Variants in AXDND1 observed in about 807,000 individuals in gnomAD.
The protein encoded by AXDND1 is axonemal dynein light chain domain-containing protein 1.
Under a neutral mutation model 137.5 loss-of-function variants are expected in AXDND1, and 110 were observed. The ratio of observed to expected loss-of-function variants is 0.80; its 90% confidence interval spans 0.69 to 0.94. The LOEUF (loss-of-function observed/expected upper bound fraction) is 0.94. AXDND1 is among the 40% of genes least tolerant of loss of function. AXDND1 has a pLI of 0.00. For missense variants in AXDND1, 1,191 were observed against 1,169.8 expected (o/e 1.02, Z -0.26); for synonymous variants, 414 against 399.7 (o/e 1.04, Z -0.43).
At chr1:179,427,365 A>AAT in intron 12 of AXDND1, among the ~76,000 whole-genome samples, 1 of 105,972 alleles carries the variant, frequency 9.4e-6, no homozygotes, top group East Asian at 2.3e-4. Context: ...TGTTTTAACA[A>AAT]ATATATATTA....
chr1:179,470,350 G>A (rs926577267), intron 17 of AXDND1, among the ~76,000 whole-genome samples: 3 of 152,058 alleles, frequency 2.0e-5, no homozygotes, highest in Non-Finnish European at 2.9e-5. Context: ...TTTTTACAAA[G>A]ACATTAACTA....
chr1:179,456,825 CCATTCACAGT>C lies in AXDND1; in HGVS notation c.1799-11617_1799-11608del. 5.0e-6 allele frequency: 4 copies of C among 794,218 alleles called. No individual in the cohort carries two copies. The South Asian group carries it at 5.3e-5, about 11-fold the overall frequency. The allele number at this position is 794,218 out of a possible 1,614,324, so 49.2% of individuals were successfully genotyped here. ...GGCTTTCCTAACTTCACAGTTGTGG[CCATTCACAGT>C]ATGCTATTTCTGAATGACAGTTTTA... On this transcript the variant is annotated intron_variant, in intron 16 of 25. Transcript: ENST00000367618.
Position 179,383,441 on chromosome 1 carries a change from G to C in AXDND1, c.639-1G>C. The C allele has an allele frequency of 6.2e-7, 1 of 1,611,262 alleles. No homozygotes were observed. Among genetic ancestry groups the C allele is most frequent in the South Asian group, 1.1e-5 (1 of 90,962 alleles). On this transcript the variant is annotated splice_acceptor_variant, in intron 7 of 25. Transcript: ENST00000367618. LOFTEE classifies it high-confidence loss of function. ...ATAAGTCTGCCACCTTAATTTTTTAGGAAACCTAATAAAAGAGTAGAAGTG... is the reference window on the plus strand; with the variant it reads ...ATAAGTCTGCCACCTTAATTTTTTACGAAACCTAATAAAAGAGTAGAAGTG...
intron 12 of AXDND1, among the ~76,000 whole-genome samples, chr1:179,415,080 G>A (rs1250715706): frequency 2.0e-5 from 3 of 152,218 alleles, no homozygotes; most frequent in Admixed American, 6.5e-5. Context: ...GATGGCCAAT[G>A]CCTGTAATCC....
At position 179,407,287 on chromosome 1, in the gene AXDND1, G is replaced by C. The variant is rs1433509830; in HGVS notation, c.1110-3859G>C. Among the ~76,000 whole-genome samples, 3 of 151,478 alleles carry C rather than the reference G, an allele frequency of 2.0e-5. No individual in the cohort carries two copies. In the East Asian group the frequency reaches 5.8e-4, roughly 29 times the overall value. Reference sequence around the variant, plus strand: ...TCTGTCACCAGAATGGAGTGTAGTGGTGTGATCTCAGCTCACTACAACCTC... The same window carrying C: ...TCTGTCACCAGAATGGAGTGTAGTGCTGTGATCTCAGCTCACTACAACCTC... On this transcript the variant is annotated intron_variant, in intron 11 of 25. Coordinates refer to ENST00000367618, the MANE Select transcript of AXDND1 (RefSeq NM_144696.6).
chr1:179,383,402 G>A, intron 7 of AXDND1, 40 bp from the exon 8 acceptor site: 1 of 1,446,650 alleles, frequency 6.9e-7, no homozygotes, highest in Non-Finnish European at 9.7e-7. Flanking sequence ...ATTCCCTGTT[G>A]CAATGTTAAT....
In AXDND1 at chr1:179,509,374, T is replaced by G. The variant is rs1438184979; in HGVS notation, c.2467T>G (p.Tyr823Asp). 1 of 1,610,818 alleles carries G rather than the reference T, an allele frequency of 6.2e-7. No homozygotes were observed. Among genetic ancestry groups the G allele is most frequent in the African/African-American group, 1.3e-5 (1 of 74,840 alleles). ...IKGRKITLLT[Y>D]EEIERLLEEE... ...AGGCAGAAAAATTACATTATTGACATATGAAGAAATAGAGCGGCTACTTGA... is the reference window on the plus strand; with the variant it reads ...AGGCAGAAAAATTACATTATTGACAGATGAAGAAATAGAGCGGCTACTTGA... Residue 823 changes from tyrosine to aspartate, a missense_variant, in exon 21 of 26, where the codon TAT becomes GAT. Tyr to Asp is a radical substitution (Grantham distance 160). Transcript: ENST00000367618.
chr1:179,528,182 G>A, intron 22 of AXDND1, 145 bp from the exon 23 acceptor site: 1 of 615,062 alleles, frequency 1.6e-6, no homozygotes, highest in East Asian at 2.8e-5. Flanking sequence ...CTATGTGAAA[G>A]TCTTCAAAAA....
intron 21 of AXDND1, among the ~76,000 whole-genome samples, chr1:179,511,169 A>C (rs1669010839): frequency 2.0e-5 from 3 of 151,540 alleles, no homozygotes; most frequent in Admixed American, 6.6e-5. Flanking sequence ...TCTGTCCCCC[A>C]CAAAAAAAAA....
chr1:179,525,596 A>C, intron 22 of AXDND1, 149 bp downstream of exon 22: 1 of 937,118 alleles, frequency 1.1e-6, no homozygotes, highest in Non-Finnish European at 1.5e-6. Flanking sequence ...TCTGGGGCTC[A>C]AATGATCCTC....
chr1:179,525,236 G>A, intron 21 of AXDND1, 98 bp from the exon 22 acceptor site: 1 of 1,218,772 alleles, frequency 8.2e-7, no homozygotes, highest in Non-Finnish European at 1.1e-6. Context: ...CACTAGCACA[G>A]TACCCAGCTG....
At chr1:179,486,136 A>AG (rs1435374289) in intron 18 of AXDND1, among the ~76,000 whole-genome samples, 2 of 121,266 alleles carry the variant, frequency 1.6e-5, no homozygotes, top group Non-Finnish European at 3.6e-5. Flanking sequence ...AAAAAAAAAA[A>AG]AAAAACCTGA....
chr1:179,482,271 G>C (rs149454571), intron 17 of AXDND1, among the ~76,000 whole-genome samples: 14 of 152,074 alleles, frequency 9.2e-5, no homozygotes, highest in African/African-American at 3.4e-4. Context: ...GGTCTTCTTG[G>C]ATTGCCTCTC....
chr1:179,448,673 G>T (rs769340013), intron 16 of AXDND1: 1 of 186,992 alleles, frequency 5.3e-6, no homozygotes. Context: ...CTTGGGACTC[G>T]CCAGGACATC....
chr1:179,410,645 G>C (rs1469027507), intron 11 of AXDND1, among the ~76,000 whole-genome samples: 1 of 152,146 alleles, frequency 6.6e-6, no homozygotes, highest in Non-Finnish European at 1.5e-5. Flanking sequence ...GGTTTTAAAG[G>C]GTTAAGGGAC....
At chr1:179,379,577 T>A in intron 6 of AXDND1, 95 bp downstream of exon 6, 1 of 1,494,576 alleles carries the variant, frequency 6.7e-7, no homozygotes, top group East Asian at 2.5e-5. Context: ...GTGGATCATC[T>A]GAGGTCAGGA....
At chr1:179,411,925 T>C (rs1181610694) in intron 12 of AXDND1, among the ~76,000 whole-genome samples, 2 of 151,424 alleles carry the variant, frequency 1.3e-5, no homozygotes, top group African/African-American at 4.9e-5. Flanking sequence ...AATCACAGCT[T>C]ACTGTAGCCT....
intron 12 of AXDND1, among the ~76,000 whole-genome samples, chr1:179,414,947 A>G (rs1003904165): frequency 3.0e-5 from 4 of 132,380 alleles, no homozygotes; most frequent in African/African-American, 1.1e-4. Context: ...GTTAGAATAG[A>G]TAAATACAAC....
chr1:179,528,764 G>A (rs1033001557), intron 23 of AXDND1, among the ~76,000 whole-genome samples: 4 of 144,092 alleles, frequency 2.8e-5, no homozygotes, highest in African/African-American at 1.0e-4. Context: ...GCTAATTTTT[G>A]TACTTTTAGC....
Sources: allele counts gnomAD v4.1 joint callset (sites outside exome capture counted in the v4.1 genomes callset), GRCh38; gene constraint gnomAD v4.1.1; transcripts MANE v1.5; gene names NCBI Gene and HGNC (gene_info 2026-07-23, HGNC 2026-07-21).